NUTF2: variants seen among roughly 807,000 people sequenced by gnomAD.
NUTF2 encodes the protein placental protein 15.
Under a neutral mutation model 18.5 loss-of-function variants are expected in NUTF2, and 3 were observed. The observed-to-expected ratio is 0.16, with a 90% CI of 0.07 to 0.42. The LOEUF (loss-of-function observed/expected upper bound fraction) is 0.42, where lower values mean the gene tolerates loss of function less well. Ranked by LOEUF, NUTF2 falls within the 10% of genes least tolerant of loss-of-function variation. The pLI is 0.99. For missense variants in NUTF2, 44 were observed against 160.7 expected (o/e 0.27, Z 3.93); for synonymous variants, 51 against 57.9 (o/e 0.88, Z 0.54).
At chr16:67,849,745 G>A (rs1456121400) in intron 1 of NUTF2, among the ~76,000 whole-genome samples, 10 of 151,748 alleles carry the variant, frequency 6.6e-5, no homozygotes, top group African/African-American at 1.9e-4. Flanking sequence ...TGCAAGCTCC[G>A]CCTCCCGGGT....
chr16:67,859,814 T>C (rs2057923041), intron 1 of NUTF2, among the ~76,000 whole-genome samples: 2 of 139,922 alleles, frequency 1.4e-5, no homozygotes, highest in African/African-American at 2.7e-5. Context: ...TTTTTTTTTT[T>C]TTTTTTTTGG....
intron 2 of NUTF2, among the ~76,000 whole-genome samples, chr16:67,867,007 T>C (rs567256095): frequency 3.3e-5 from 5 of 152,090 alleles, no homozygotes; most frequent in African/African-American, 1.2e-4. Flanking sequence ...AGTCTCACTC[T>C]GTCACCTAGA....
intron 1 of NUTF2, among the ~76,000 whole-genome samples, chr16:67,850,879 C>T (rs2057850095): frequency 6.6e-6 from 1 of 152,078 alleles, no homozygotes. Context: ...CAGCTCACTG[C>T]AACCTCCGCC....
At chr16:67,855,294 G>A (rs912300181) in intron 1 of NUTF2, among the ~76,000 whole-genome samples, 4 of 152,198 alleles carry the variant, frequency 2.6e-5, no homozygotes, top group African/African-American at 9.6e-5. Context: ...CTTGGGTCTG[G>A]GTTTGGCTGG....
chr16:67,855,090 A>T (rs1410450629), intron 1 of NUTF2, among the ~76,000 whole-genome samples: 1 of 151,832 alleles, frequency 6.6e-6, no homozygotes, highest in South Asian at 2.1e-4. Context: ...TGAGTTGGCT[A>T]CCCCTTTCCT....
intron 2 of NUTF2, among the ~76,000 whole-genome samples, chr16:67,867,629 C>T (rs2057982265): frequency 6.6e-6 from 1 of 152,136 alleles, no homozygotes. Context: ...AGAAAGTCCA[C>T]AGTGGAACTT....
chr16:67,848,827 C>T (rs1266005533), intron 1 of NUTF2, among the ~76,000 whole-genome samples: 4 of 151,836 alleles, frequency 2.6e-5, no homozygotes, highest in African/African-American at 2.4e-5. Flanking sequence ...AATATCAGGT[C>T]TCTTAGAAGG....
chr16:67,854,696 C>T (rs928465985), intron 1 of NUTF2, among the ~76,000 whole-genome samples: 12 of 152,156 alleles, frequency 7.9e-5, no homozygotes, highest in Non-Finnish European at 1.5e-4. Flanking sequence ...CCTGTAATCC[C>T]AGCACTTTGG....
Position 67,868,484 on chromosome 16 carries a change from CACTCTCTCTCTTGTAGA to C in NUTF2, c.172-16_172del. 1 of 1,613,984 alleles carries C rather than the reference CACTCTCTCTCTTGTAGA, an allele frequency of 6.2e-7. No individual in the cohort carries two copies. The highest frequency in any genetic ancestry group is 8.5e-7 in the Non-Finnish European group (1 of 1,179,892). ...TTCTGGCCTTGGTTCTCCCACCTCC[CACTCTCTCTCTTGTAGA>C]GCCTTCCGTTCCAGAAAATTCAGCA... On this transcript the variant is annotated splice_acceptor_variant and splice_polypyrimidine_tract_variant and coding_sequence_variant and intron_variant, in exon 4 of 5. Transcript: ENST00000219169. LOFTEE classifies it high-confidence loss of function.
intron 1 of NUTF2, among the ~76,000 whole-genome samples, chr16:67,862,138 G>A (rs2057939287): frequency 6.6e-6 from 1 of 152,150 alleles, no homozygotes; most frequent in African/African-American, 2.4e-5. Flanking sequence ...AAGGGTGTTT[G>A]TAGGGGAGGA....
intron 1 of NUTF2, among the ~76,000 whole-genome samples, chr16:67,850,453 G>A (rs957693795): frequency 2.0e-5 from 3 of 151,554 alleles, no homozygotes; most frequent in South Asian, 2.1e-4. Flanking sequence ...TGATCCACCC[G>A]CCTTGGCCTC....
intron 1 of NUTF2, among the ~76,000 whole-genome samples, chr16:67,849,880 G>A (rs9933268): frequency 0.032 from 4,921 of 151,768 alleles, 217 homozygotes; most frequent in African/African-American, 0.1. Context: ...GGATGGTCTC[G>A]ATCTCCTGAC....
Position 67,872,221 on chromosome 16 carries a change from A to C in NUTF2, c.*1308A>C, listed in dbSNP as rs1199787514. 6.6e-6 allele frequency: 1 copy of C among 152,260 alleles called. No individual in the cohort carries two copies. The highest frequency in any genetic ancestry group is 1.5e-5 in the Non-Finnish European group (1 of 68,066). 9.4% of individuals were successfully genotyped at this position (152,260 alleles called of 1,614,324 possible). On this transcript the variant is annotated 3_prime_UTR_variant, in exon 5 of 5. Transcript: ENST00000219169. ...TAGAACCAAACCCAAGATTTGGGTC[A>C]GTGCCCTGTTAAGGGTTTTAGGATT... is the stretch of plus-strand genomic sequence containing the variant.
At chr16:67,865,918 C>A (rs1315959101) in intron 2 of NUTF2, among the ~76,000 whole-genome samples, 2 of 152,082 alleles carry the variant, frequency 1.3e-5, no homozygotes, top group African/African-American at 4.8e-5. Context: ...TGGGGTTTCA[C>A]CATGTTGGCC....
chr16:67,858,891 G>A (rs1453017841), intron 1 of NUTF2, among the ~76,000 whole-genome samples: 1 of 126,046 alleles, frequency 7.9e-6, no homozygotes, highest in Non-Finnish European at 1.7e-5. Context: ...TTTTTTTTTT[G>A]AGACAAGATC....
Position 67,868,443 on chromosome 16 carries a change from G to C in NUTF2, c.171+32G>C, listed in dbSNP as rs972768288. 4 of 1,613,586 alleles carry C rather than the reference G, an allele frequency of 2.5e-6. No individual in the cohort carries two copies. In the African/African-American group the frequency reaches 5.3e-5, roughly 22 times the overall value. ...AGGGAAGAAAGCCAGGGTGCAGGTG[G>C]CTCCTTTCCCACCCCTTCTGGCCTT... On this transcript the variant is annotated intron_variant, in intron 3 of 4. Coordinates refer to ENST00000219169, the MANE Select transcript of NUTF2 (RefSeq NM_005796.3).
intron 1 of NUTF2, chr16:67,855,897 G>T: frequency 2.2e-6 from 1 of 449,452 alleles, no homozygotes. Context: ...CGGGGGGGGG[G>T]GATGGGGGAA....
intron 1 of NUTF2, among the ~76,000 whole-genome samples, chr16:67,850,677 T>C (rs1475923637): frequency 2.0e-5 from 3 of 152,178 alleles, no homozygotes; most frequent in Non-Finnish European, 2.9e-5. Flanking sequence ...TAGGGCTGAC[T>C]TGGAAGTGGG....
chr16:67,866,942 A>C (rs2057976789), intron 2 of NUTF2, among the ~76,000 whole-genome samples: 2 of 149,974 alleles, frequency 1.3e-5, no homozygotes, highest in African/African-American at 2.5e-5. Context: ...ATCTGACCTG[A>C]GATCCTGGCA....
Sources: allele counts gnomAD v4.1 joint callset (sites outside exome capture counted in the v4.1 genomes callset), GRCh38; gene constraint gnomAD v4.1.1; transcripts MANE v1.5; gene names NCBI Gene and HGNC (gene_info 2026-07-23, HGNC 2026-07-21).